The following ZNF653 variants were observed in gnomAD, a reference collection of about 807,000 sequenced individuals.
ZNF653 encodes the protein 67 kDa zinc finger protein.
A neutral mutation model predicts 59.9 loss-of-function variants in ZNF653; 37 were observed. The observed-to-expected ratio is 0.62, with a 90% CI of 0.48 to 0.81. ZNF653 has a LOEUF of 0.81. Ranked by LOEUF, ZNF653 falls within the 40% of genes least tolerant of loss-of-function variation. The probability of loss-of-function intolerance (pLI) is 0.00; values close to 1 mark genes in which losing one functional copy is unlikely to be tolerated. For missense variants in ZNF653, 808 were observed against 881.1 expected (o/e 0.92, Z 1.05); for synonymous variants, 435 against 371.8 (o/e 1.17, Z -1.96).
intron 3 of ZNF653, among the ~76,000 whole-genome samples, chr19:11,488,232 C>A (rs1238387870): frequency 6.6e-6 from 1 of 151,838 alleles, no homozygotes; most frequent in African/African-American, 2.4e-5. Context: ...TCACTACAAG[C>A]TCTGCCTCCC....
At chr19:11,484,740 G>GAAAACA (rs1050319784) in intron 7 of ZNF653, among the ~76,000 whole-genome samples, 3 of 151,470 alleles carry the variant, frequency 2.0e-5, no homozygotes, top group African/African-American at 7.3e-5. Context: ...TTCGCAAAAT[G>GAAAACA]AAAACAAAAA....
intron 1 of ZNF653, among the ~76,000 whole-genome samples, chr19:11,499,129 T>C (rs1216589989): frequency 6.6e-6 from 1 of 152,316 alleles, no homozygotes; most frequent in East Asian, 1.9e-4. Flanking sequence ...GAGGGGGCTC[T>C]AGCATCATCC....
intron 1 of ZNF653, among the ~76,000 whole-genome samples, chr19:11,499,085 C>T (rs934720035): frequency 1.3e-5 from 2 of 152,192 alleles, no homozygotes; most frequent in Non-Finnish European, 2.9e-5. Context: ...AGGCCCCTCC[C>T]TTGGACTCTC....
chr19:11,505,627 T>G lies in ZNF653; in HGVS notation c.160A>C (p.Lys54Gln). The G allele has an allele frequency of 6.7e-7, 1 of 1,501,780 alleles. No individual in the cohort carries two copies. The highest frequency in any genetic ancestry group is 8.8e-7 in the Non-Finnish European group (1 of 1,132,496). 93.0% of individuals were successfully genotyped at this position (1,501,780 alleles called of 1,614,324 possible). A position where few individuals can be genotyped will look rare whatever the true frequency, so the allele number is the denominator to read the frequency against. Residue 54 changes from lysine (K) to glutamine (Q), a missense_variant, in exon 1 of 9, where the codon AAG becomes CAG. Physicochemically the swap from Lys to Gln is moderately conservative, Grantham distance 53. Coordinates refer to ENST00000293771, the MANE Select transcript of ZNF653 (RefSeq NM_138783.4). Reference protein sequence around the residue: ...RARRRLESRKKYDVRRVYLGE... With the variant: ...RARRRLESRKQYDVRRVYLGE... ...AGGTACACGCGCCGCACGTCGTACT[T>G]CTTCCGGGACTCGAGCCGTCGCCGG...
Position 11,485,118 on chromosome 19 carries a change from T to C in ZNF653, c.1570+538A>G, listed in dbSNP as rs1299105550. ...CCCAAACTTCTGACCTCCTGTGATATCAGAAGCTCTGGCCCTCAGGGCATG... is the reference window on the plus strand; with the variant it reads ...CCCAAACTTCTGACCTCCTGTGATACCAGAAGCTCTGGCCCTCAGGGCATG... On this transcript the variant is annotated intron_variant, in intron 7 of 8. Coordinates refer to ENST00000293771, the MANE Select transcript of ZNF653 (RefSeq NM_138783.4). 2.6e-5 allele frequency among the ~76,000 whole-genome samples: 4 copies of C among 151,542 alleles called. No individual in the cohort carries two copies. In the East Asian group the frequency reaches 7.8e-4, roughly 30 times the overall value.
At chr19:11,492,313 G>A (rs1006650142) in intron 3 of ZNF653, among the ~76,000 whole-genome samples, 1 of 152,092 alleles carries the variant, frequency 6.6e-6, no homozygotes, top group Non-Finnish European at 1.5e-5. Context: ...AAAGTGCTGG[G>A]ATTACAGGCG....
Position 11,505,756 on chromosome 19 carries a change from C to T in ZNF653, c.31G>A (p.Glu11Lys). Residue 11 changes from glutamate to lysine, a missense_variant, in exon 1 of 9, where the codon GAG (glutamate) becomes AAG (lysine). Transcript: ENST00000293771. The stretch of plus-strand genomic sequence containing the variant: ...CCCGCGCCCGCCTCAGCCTCCGCCT[C>T]CGCCTCGGGCTCTAGCGCCCGCTCC... MAERALEPEA[E>K]AEAEAGAGGE... The T allele has an allele frequency of 7.0e-7, 1 of 1,431,908 alleles. No individual in the cohort carries two copies. The highest frequency in any genetic ancestry group is 9.1e-7 in the Non-Finnish European group (1 of 1,103,456). 88.7% of individuals were successfully genotyped at this position (1,431,908 alleles called of 1,614,324 possible).
At chr19:11,505,342 A>G (rs943937362) in intron 1 of ZNF653, 146 bp downstream of exon 1, 4 of 794,246 alleles carry the variant, frequency 5.0e-6, no homozygotes, top group Non-Finnish European at 7.2e-6. Context: ...CCGGCCAGGC[A>G]GTACGAGACC....
At chr19:11,505,176 A>C in intron 1 of ZNF653, 3 of 285,956 alleles carry the variant, frequency 1.0e-5, no homozygotes, top group East Asian at 6.8e-5. Context: ...GGGCCTGGTT[A>C]GTTACAAGGC....
chr19:11,487,139 C>A lies in ZNF653; in HGVS notation c.1191G>T (p.Leu397Phe). Residue 397 changes from leucine (L) to phenylalanine (F), a missense_variant, in exon 5 of 9, where the codon TTG becomes TTT. By Grantham distance (22) the Leu-to-Phe change is conservative. Transcript: ENST00000293771. The surrounding 1 kb of genome is among the most constrained non-coding windows in gnomAD (Gnocchi z 5.1). ...ETKKEKEDLC[L>F]LKKEEKEEPV... ...GCTCCTCCTTCTCCTCCTTCTTTAG[C>A]AAGCACAGGTCCTCCTTCTCTACAG... 2 of 1,612,028 alleles carry A rather than the reference C, an allele frequency of 1.2e-6. No homozygotes were observed. Among genetic ancestry groups the A allele is most frequent in the Non-Finnish European group, 1.7e-6 (2 of 1,179,958 alleles).
intron 6 of ZNF653, among the ~76,000 whole-genome samples, 190 bp downstream of exon 6, chr19:11,486,579 G>C (rs1047463502): frequency 2.0e-5 from 3 of 152,266 alleles, no homozygotes; most frequent in Non-Finnish European, 4.4e-5. Flanking sequence ...CTCAATCAAT[G>C]CATGGCATGG....
Position 11,487,740 on chromosome 19 carries a change from G to A in ZNF653, c.723C>T (p.Gly241=), listed in dbSNP as rs750767388. 29 of 1,613,332 alleles carry A rather than the reference G, an allele frequency of 1.8e-5. No homozygotes were observed. The highest frequency in any genetic ancestry group is 1.1e-4 in the East Asian group (5 of 44,866). Residue 241 remains glycine (G), a synonymous_variant, in exon 4 of 9, where the codon GGC becomes GGT. Transcript: ENST00000293771. This position sits in a 1 kb window ranked among gnomAD's most constrained non-coding sequence, Gnocchi z 5.1. ...VGSSGLITQE[G]VHIPFDVHHV... ...GGTGGACGTCAAAGGGAATGTGCACGCCCTCCTGAGTGATGAGCCCGCTGC... is the reference window on the plus strand; with the variant it reads ...GGTGGACGTCAAAGGGAATGTGCACACCCTCCTGAGTGATGAGCCCGCTGC...
At position 11,487,389 on chromosome 19, in the gene ZNF653, C is replaced by A; in HGVS notation, c.1074G>T (p.Met358Ile). 1 of 1,612,708 alleles carries A rather than the reference C, an allele frequency of 6.2e-7. No homozygotes were observed. Among genetic ancestry groups the A allele is most frequent in the Non-Finnish European group, 8.5e-7 (1 of 1,179,918 alleles). ...GGGTGTAGGCTGCCACACCCTCCAT[C>A]ATGGCACAGGGCACCTCCTCGCCCA... is the stretch of plus-strand genomic sequence containing the variant. ...SGLGEEVPCAMMEGVAAYTQT... is the reference protein window; with the variant it reads ...SGLGEEVPCAIMEGVAAYTQT... The change falls in exon 4 of 9, where the codon ATG becomes ATT. Residue 358 changes from methionine (M) to isoleucine (I), a missense_variant. By Grantham distance (10) the Met-to-Ile change is conservative. Transcript: ENST00000293771. This position sits in a 1 kb window ranked among gnomAD's most constrained non-coding sequence, Gnocchi z 5.1.
At chr19:11,497,849 G>A (rs1971604554) in intron 2 of ZNF653, among the ~76,000 whole-genome samples, 1 of 152,172 alleles carries the variant, frequency 6.6e-6, no homozygotes, top group Admixed American at 6.5e-5. Context: ...TGCCTCTGGA[G>A]AAACCTAAGA....
chr19:11,492,622 G>C lies in ZNF653; in HGVS notation c.559+3328C>G, dbSNP rs573591021. On this transcript the variant is annotated intron_variant, in intron 3 of 8. Transcript: ENST00000293771. Reference sequence around the variant, plus strand: ...GCTTCCCAAAGCACTGGGATTACAGGCTTGAGCCACTGTGCCCAGCCTGCA... The same window carrying C: ...GCTTCCCAAAGCACTGGGATTACAGCCTTGAGCCACTGTGCCCAGCCTGCA... Among the ~76,000 whole-genome samples, 87 of 152,236 alleles carry C rather than the reference G, an allele frequency of 5.7e-4. 2 individuals carry two copies. The South Asian group carries it at 0.018, about 31-fold the overall frequency.
intron 3 of ZNF653, among the ~76,000 whole-genome samples, chr19:11,488,571 C>A (rs939382933): frequency 6.6e-6 from 1 of 151,432 alleles, no homozygotes; most frequent in African/African-American, 2.4e-5. Context: ...CAGTCATGAG[C>A]CACCGTGCCT....
At chr19:11,484,470 C>T (rs980971219) in intron 7 of ZNF653, among the ~76,000 whole-genome samples, 2 of 152,062 alleles carry the variant, frequency 1.3e-5, no homozygotes, top group African/African-American at 4.8e-5. Context: ...GGCCCGATCT[C>T]GGCTTACCGC....
In ZNF653 at chr19:11,487,096, C is replaced by A; in HGVS notation, c.1234G>T (p.Ala412Ser). The change falls in exon 5 of 9, where the codon GCA (alanine) becomes TCA (serine). Residue 412 changes from alanine (A) to serine (S), a missense_variant. Coordinates refer to ENST00000293771, the MANE Select transcript of ZNF653 (RefSeq NM_138783.4). This position sits in a 1 kb window ranked among gnomAD's most constrained non-coding sequence, Gnocchi z 5.1. ...EKEEPVAPELATTVPESAEPE... is the reference protein window; with the variant it reads ...EKEEPVAPELSTTVPESAEPE... Reference sequence around the variant, plus strand: ...TCTGCGCTCTCAGGCACCGTTGTTGCCAGCTCCGGGGCTACTGGCTCCTCC... The same window carrying A: ...TCTGCGCTCTCAGGCACCGTTGTTGACAGCTCCGGGGCTACTGGCTCCTCC... 1 of 1,613,852 alleles carries A rather than the reference C, an allele frequency of 6.2e-7. No individual in the cohort carries two copies. The highest frequency in any genetic ancestry group is 8.5e-7 in the Non-Finnish European group (1 of 1,180,030).
intron 3 of ZNF653, among the ~76,000 whole-genome samples, chr19:11,493,613 G>A (rs138022385): frequency 6.6e-6 from 1 of 152,280 alleles, no homozygotes; most frequent in Non-Finnish European, 1.5e-5. Context: ...AGGGCGCAGT[G>A]TCCTAATGAG....
Sources: allele counts gnomAD v4.1 joint callset (sites outside exome capture counted in the v4.1 genomes callset), GRCh38; gene constraint gnomAD v4.1.1; non-coding constraint Gnocchi (gnomAD v3.1); transcripts MANE v1.5; gene names NCBI Gene and HGNC (gene_info 2026-07-23, HGNC 2026-07-21).